DLGAP4: variants seen among roughly 807,000 people sequenced by gnomAD.
DLGAP4 encodes DLG associated protein 4.
DLGAP4 carries 18 observed loss-of-function variants against 86.9 expected under a neutral mutation model. The ratio of observed to expected loss-of-function variants is 0.21; its 90% CI spans 0.14 to 0.31. The LOEUF (loss-of-function observed/expected upper bound fraction) is 0.31, where lower values mean the gene tolerates loss of function less well. Ranked by LOEUF, DLGAP4 falls within the 10% of genes least tolerant of loss-of-function variation. The pLI, the probability that DLGAP4 is intolerant of heterozygous loss-of-function variation, is 1.00. For synonymous variants in DLGAP4, 548 were observed against 574.3 expected (o/e 0.95, Z 0.65); for missense variants, 1,085 against 1,362.6 (o/e 0.80, Z 3.21).
chr20:36,496,679 C>A (rs565892630), intron 7 of DLGAP4, 26 bp from the exon 8 acceptor site: 1 of 1,583,224 alleles, frequency 6.3e-7, no homozygotes, highest in South Asian at 1.1e-5. Flanking sequence ...TCACCTCTCC[C>A]CTGCCCTTCT....
intron 10 of DLGAP4, among the ~76,000 whole-genome samples, chr20:36,501,478 C>G (rs1378325330): frequency 6.6e-6 from 1 of 152,236 alleles, no homozygotes; most frequent in African/African-American, 2.4e-5. Context: ...CTACCTATAT[C>G]ATGCCAATTT....
chr20:36,339,571 A>C (rs2065356554), intron 1 of DLGAP4, among the ~76,000 whole-genome samples: 1 of 152,220 alleles, frequency 6.6e-6, no homozygotes, highest in Non-Finnish European at 1.5e-5. Context: ...AATTTTGTAG[A>C]GACTGAGTTT....
intron 1 of DLGAP4, among the ~76,000 whole-genome samples, chr20:36,340,423 A>C (rs2065367229): frequency 6.6e-6 from 1 of 152,002 alleles, no homozygotes; most frequent in Non-Finnish European, 1.5e-5. Flanking sequence ...ACGGGTCTCC[A>C]GTGACTCACC....
rs547300503 is a variant in DLGAP4, at chr20:36,487,505, C to T, written c.1649-9200C>T. ...GAGGAGGCAGCCTTCCTTGGATCTC[C>T]TTTCCTCAATCCCTATCCTCCCTCC... On this transcript the variant is annotated intron_variant, in intron 7 of 12. Coordinates refer to ENST00000339266, the MANE Select transcript of DLGAP4 (RefSeq NM_001365621.2). 9.9e-5 allele frequency among the ~76,000 whole-genome samples: 15 copies of T among 152,260 alleles called. No homozygotes were observed. In the East Asian group the frequency reaches 2.7e-3, roughly 27 times the overall value.
chr20:36,324,181 C>T (rs1057282927), intron 1 of DLGAP4, among the ~76,000 whole-genome samples: 1 of 152,148 alleles, frequency 6.6e-6, no homozygotes, highest in Admixed American at 6.5e-5. Context: ...GATCCCAGTA[C>T]TTTGGGAGGC....
intron 2 of DLGAP4, among the ~76,000 whole-genome samples, chr20:36,387,259 A>G (rs574757981): frequency 1.3e-5 from 2 of 152,332 alleles, no homozygotes; most frequent in East Asian, 3.9e-4. Context: ...TCGCCTGACT[A>G]TTAGAGAAGC....
At chr20:36,430,252 G>C (rs1192271645) in intron 2 of DLGAP4, among the ~76,000 whole-genome samples, 1 of 152,166 alleles carries the variant, frequency 6.6e-6, no homozygotes, top group Non-Finnish European at 1.5e-5. Flanking sequence ...TCCTGAGGAC[G>C]TGCCCCTGTT....
chr20:36,311,896 C>T (rs2065056689), intron 1 of DLGAP4, among the ~76,000 whole-genome samples: 1 of 152,188 alleles, frequency 6.6e-6, no homozygotes, highest in African/African-American at 2.4e-5. Context: ...TTCTGAAGTT[C>T]CCGTTTGTTC....
intron 7 of DLGAP4, among the ~76,000 whole-genome samples, chr20:36,466,267 C>T (rs1278596324): frequency 6.6e-6 from 1 of 152,212 alleles, no homozygotes; most frequent in African/African-American, 2.4e-5. Context: ...AGTCAGCTTT[C>T]TGTACCTCCG....
At chr20:36,480,011 C>A (rs1010107991) in intron 7 of DLGAP4, among the ~76,000 whole-genome samples, 9 of 152,240 alleles carry the variant, frequency 5.9e-5, no homozygotes, top group South Asian at 2.1e-4. Flanking sequence ...CAAGCCCTTT[C>A]CCACCTGTCT....
intron 2 of DLGAP4, among the ~76,000 whole-genome samples, chr20:36,368,099 G>A (rs751043166): frequency 1.6e-4 from 24 of 152,348 alleles, no homozygotes; most frequent in Non-Finnish European, 2.4e-4. Context: ...AGCTGGCCCC[G>A]TGCCTGGCAT....
At chr20:36,489,040 C>T (rs1393908280) in intron 7 of DLGAP4, among the ~76,000 whole-genome samples, 2 of 152,184 alleles carry the variant, frequency 1.3e-5, no homozygotes, top group African/African-American at 4.8e-5. Flanking sequence ...ATGTAGGTGC[C>T]ATTTTAAACA....
chr20:36,490,574 C>T (rs1432542298), intron 7 of DLGAP4, among the ~76,000 whole-genome samples: 1 of 152,204 alleles, frequency 6.6e-6, no homozygotes, highest in Non-Finnish European at 1.5e-5. Flanking sequence ...GGGTCAGCTT[C>T]ATCCATTCAT....
At chr20:36,464,512 G>A (rs1475316545) in intron 7 of DLGAP4, among the ~76,000 whole-genome samples, 1 of 152,064 alleles carries the variant, frequency 6.6e-6, no homozygotes, top group Non-Finnish European at 1.5e-5. Flanking sequence ...CGAGACTGCA[G>A]TGAGCTGAGA....
At chr20:36,375,229 A>G (rs1171322929) in intron 2 of DLGAP4, among the ~76,000 whole-genome samples, 2 of 152,002 alleles carry the variant, frequency 1.3e-5, no homozygotes, top group Non-Finnish European at 2.9e-5. Context: ...TGGTCACTTC[A>G]TCTGCTTGGG....
At chr20:36,488,061 A>G (rs145495857) in intron 7 of DLGAP4, among the ~76,000 whole-genome samples, 6,439 of 151,804 alleles carry the variant, frequency 0.042, 275 homozygotes, top group East Asian at 0.18. Flanking sequence ...TTAGCCGGGC[A>G]TGGTGGCGCG....
At chr20:36,342,969 C>T (rs958747082) in intron 1 of DLGAP4, among the ~76,000 whole-genome samples, 1 of 151,958 alleles carries the variant, frequency 6.6e-6, no homozygotes, top group Admixed American at 6.6e-5. Context: ...GAGGCTGGCA[C>T]GTTCAGGAAA....
chr20:36,507,760 A>G (rs562491005), intron 10 of DLGAP4: 1 of 152,368 alleles, frequency 6.6e-6, no homozygotes, highest in East Asian at 1.9e-4. Flanking sequence ...AGCAGTTCAG[A>G]AAGAGCGTGG....
In DLGAP4 at chr20:36,496,806, T is replaced by G; in HGVS notation, c.1750T>G (p.Ser584Ala). ...AGTCACAGTCCAGAGCAGTACTGAG[T>G]CTGCCCAGGACACCTACCTGGACAG... ...ISVTVQSSTE[S>A]AQDTYLDSQD... The change falls in exon 8 of 13, where the codon TCT becomes GCT. Residue 584 changes from serine (S) to alanine (A), a missense_variant. By Grantham distance (99) the Ser-to-Ala change is moderately conservative. Around this residue, in one of 2 missense-constraint regions of DLGAP4, gnomAD observed 1,082 missense variants for 1,344.1 expected, o/e 0.81. Transcript: ENST00000339266. The G allele has an allele frequency of 6.2e-7, 1 of 1,614,110 alleles. No individual in the cohort carries two copies. The highest frequency in any genetic ancestry group is 8.5e-7 in the Non-Finnish European group (1 of 1,180,008).
Sources: gnomAD v4.1 joint callset for allele counts (sites outside exome capture counted in the v4.1 genomes callset) on GRCh38, gnomAD v4.1.1 for gene constraint, gnomAD v4.1.1 regional missense constraint, MANE v1.5 for transcripts, NCBI Gene and HGNC (gene_info 2026-07-23, HGNC 2026-07-21) for gene names.